MYO1D: variants seen among roughly 807,000 people sequenced by gnomAD.
MYO1D encodes the protein myosin ID.
Under a neutral mutation model 122.0 loss-of-function variants are expected in MYO1D, and 83 were observed. The observed-to-expected ratio is 0.68, with a 90% CI of 0.57 to 0.82. The LOEUF (loss-of-function observed/expected upper bound fraction) is 0.82, where lower values mean the gene tolerates loss of function less well. MYO1D is among the 40% of genes least tolerant of loss of function. MYO1D has a pLI of 0.00. For synonymous variants in MYO1D, 464 were observed against 446.9 expected (o/e 1.04, Z -0.48); for missense variants, 1,157 against 1,269.5 (o/e 0.91, Z 1.35).
At chr17:32,580,555 G>A (rs910860078) in intron 21 of MYO1D, among the ~76,000 whole-genome samples, 4 of 151,056 alleles carry the variant, frequency 2.6e-5, no homozygotes, top group East Asian at 1.9e-4. Context: ...GACTACAGGC[G>A]CCCGCCACCA....
intron 16 of MYO1D, among the ~76,000 whole-genome samples, chr17:32,683,280 C>T (rs1375930766): frequency 6.6e-6 from 1 of 151,896 alleles, no homozygotes. Flanking sequence ...AGCTTTGTTC[C>T]GTTGCTGGTG....
chr17:32,709,845 C>T (rs900830593), intron 16 of MYO1D, among the ~76,000 whole-genome samples: 6 of 151,964 alleles, frequency 3.9e-5, no homozygotes, highest in Non-Finnish European at 8.8e-5. Context: ...ACTAACACTG[C>T]CATGTAGGAA....
intron 21 of MYO1D, among the ~76,000 whole-genome samples, chr17:32,577,152 G>A (rs546579306): frequency 6.6e-6 from 1 of 151,310 alleles, no homozygotes; most frequent in Non-Finnish European, 1.5e-5. Context: ...TCAGGAGGGT[G>A]AGACAGGAGA....
chr17:32,511,839 A>G (rs1009119141), intron 21 of MYO1D, among the ~76,000 whole-genome samples: 3 of 152,102 alleles, frequency 2.0e-5, no homozygotes, highest in Middle Eastern at 3.2e-3. Flanking sequence ...GCCATTATAT[A>G]TTTGCTTATT....
Position 32,721,085 on chromosome 17 carries a change from T to C in MYO1D, c.1851A>G (p.Glu617=), listed in dbSNP as rs1229368090. The change falls in exon 15 of 22, where the codon GAA becomes GAG. Residue 617 remains glutamate, a synonymous_variant. Coordinates refer to ENST00000318217, the MANE Select transcript of MYO1D (RefSeq NM_015194.3). ...ATCCTGCCCGACGCACTCTCACATT[T>C]TCCAGTAGTCCAAGATATTCTACTT... ...RHQVEYLGLL[E]NVRVRRAGFA... 1.2e-6 allele frequency: 2 copies of C among 1,614,186 alleles called. No homozygotes were observed. The highest frequency in any genetic ancestry group is 1.7e-6 in the Non-Finnish European group (2 of 1,180,030).
intron 1 of MYO1D, among the ~76,000 whole-genome samples, chr17:32,850,616 A>C (rs1414774442): frequency 6.6e-6 from 1 of 152,170 alleles, no homozygotes; most frequent in Non-Finnish European, 1.5e-5. Context: ...CCACTTTGTA[A>C]TATGAAGTAA....
intron 12 of MYO1D, among the ~76,000 whole-genome samples, chr17:32,748,472 C>CA (rs1314971812): frequency 6.6e-6 from 1 of 152,138 alleles, no homozygotes; most frequent in Non-Finnish European, 1.5e-5. Flanking sequence ...ATACCCCTCT[C>CA]AGTGGGTTAA....
intron 16 of MYO1D, among the ~76,000 whole-genome samples, chr17:32,677,356 G>A (rs2088827532): frequency 6.6e-6 from 1 of 152,028 alleles, no homozygotes; most frequent in Non-Finnish European, 1.5e-5. Context: ...AATTAAAAAT[G>A]TGTGAAATGC....
intron 1 of MYO1D, among the ~76,000 whole-genome samples, chr17:32,814,876 C>A (rs888511602): frequency 6.6e-6 from 1 of 152,168 alleles, no homozygotes. Context: ...GTGACATGTC[C>A]GACAAAAACG....
chr17:32,612,682 CAAAAAAAAAAAAACAAA>C (rs2087716830), intron 20 of MYO1D, among the ~76,000 whole-genome samples: 1 of 23,612 alleles, frequency 4.2e-5, no homozygotes, highest in African/African-American at 1.6e-4. Flanking sequence ...AGACCCATCT[CAAAAAAAAAAAAACAAA>C]AAAAAAAAAA....
At position 32,605,187 on chromosome 17, in the gene MYO1D, T is replaced by C; in HGVS notation, c.2764A>G (p.Lys922Glu). 3 of 1,609,718 alleles carry C rather than the reference T, an allele frequency of 1.9e-6. No homozygotes were observed. The highest frequency in any genetic ancestry group is 2.5e-6 in the Non-Finnish European group (3 of 1,176,656). Residue 922 changes from lysine (K) to glutamate (E), a missense_variant, in exon 21 of 22, where the codon AAA (lysine) becomes GAA (glutamate). Physicochemically the swap from Lys to Glu is moderately conservative, Grantham distance 56. Transcript: ENST00000318217. ...GKDQLVVFHTKDNKDLIVCLF... is the reference protein window; with the variant it reads ...GKDQLVVFHTEDNKDLIVCLF... ...CAGACAATGAGGTCTTTGTTGTCTTTCGTATGGAACACTACAAGTTGGTCC... is the reference window on the plus strand; with the variant it reads ...CAGACAATGAGGTCTTTGTTGTCTTCCGTATGGAACACTACAAGTTGGTCC...
intron 21 of MYO1D, among the ~76,000 whole-genome samples, chr17:32,578,595 T>C (rs745644190): frequency 2.0e-5 from 3 of 152,256 alleles, no homozygotes; most frequent in Non-Finnish European, 2.9e-5. Flanking sequence ...GATAATACTC[T>C]AAAGATCAGA....
At position 32,608,994 on chromosome 17, in the gene MYO1D, G is replaced by C. The variant is rs181916725; in HGVS notation, c.2710-3753C>G. Among the ~76,000 whole-genome samples the C allele has an allele frequency of 7.2e-5, 11 of 152,248 alleles. No individual in the cohort carries two copies. In the East Asian group the frequency reaches 1.7e-3, roughly 24 times the overall value. ...TGGACAACAGATCAGTAGCTGCCAGGGTTTGGGGTTATGAGGAGTCCGATA... is the reference window on the plus strand; with the variant it reads ...TGGACAACAGATCAGTAGCTGCCAGCGTTTGGGGTTATGAGGAGTCCGATA... On this transcript the variant is annotated intron_variant, in intron 20 of 21. Coordinates refer to ENST00000318217, the MANE Select transcript of MYO1D (RefSeq NM_015194.3).
At chr17:32,731,911 A>G (rs1002750096) in intron 14 of MYO1D, among the ~76,000 whole-genome samples, 3 of 152,202 alleles carry the variant, frequency 2.0e-5, no homozygotes, top group African/African-American at 7.2e-5. Flanking sequence ...GGACATGGGA[A>G]GCTCCCCTGC....
intron 14 of MYO1D, among the ~76,000 whole-genome samples, chr17:32,729,825 T>C (rs959920573): frequency 1.3e-5 from 2 of 152,146 alleles, no homozygotes; most frequent in Admixed American, 6.5e-5. Flanking sequence ...TAAAGGTGAA[T>C]GGACGACAGC....
chr17:32,517,576 A>G (rs11658204), intron 21 of MYO1D, among the ~76,000 whole-genome samples: 69,376 of 151,896 alleles, frequency 0.46, 16,418 homozygotes, highest in African/African-American at 0.49. Flanking sequence ...CTGCCTGTGG[A>G]CCCCTGAATG....
At chr17:32,615,491 G>A (rs2087759329) in intron 20 of MYO1D, among the ~76,000 whole-genome samples, 1 of 152,168 alleles carries the variant, frequency 6.6e-6, no homozygotes, top group African/African-American at 2.4e-5. Flanking sequence ...TGTGAGAGGA[G>A]AGAGAGGACC....
chr17:32,810,130 G>C (rs935075786), intron 1 of MYO1D, among the ~76,000 whole-genome samples: 10 of 152,176 alleles, frequency 6.6e-5, no homozygotes, highest in Non-Finnish European at 1.5e-4. Context: ...TGGCAAAGGG[G>C]AGGAAGTAGT....
chr17:32,606,892 G>C (rs924255263), intron 20 of MYO1D, among the ~76,000 whole-genome samples: 32 of 152,236 alleles, frequency 2.1e-4, no homozygotes, highest in Non-Finnish European at 4.4e-4. Flanking sequence ...GGGTGTGGTG[G>C]CTCACGCCTG....
Sources: gnomAD v4.1 joint callset for allele counts (sites outside exome capture counted in the v4.1 genomes callset) on GRCh38, gnomAD v4.1.1 for gene constraint, MANE v1.5 for transcripts, NCBI Gene and HGNC (gene_info 2026-07-23, HGNC 2026-07-21) for gene names.